BAZ2B: variants seen among roughly 807,000 people sequenced by gnomAD.
BAZ2B encodes bromodomain adjacent to zinc finger domain 2B.
A neutral mutation model predicts 246.0 loss-of-function variants in BAZ2B; 91 were observed. The observed-to-expected ratio is 0.37, with a 90% CI of 0.31 to 0.44. The LOEUF (loss-of-function observed/expected upper bound fraction) is 0.44, where lower values mean the gene tolerates loss of function less well. Ranked by LOEUF, BAZ2B falls within the 20% of genes least tolerant of loss-of-function variation. BAZ2B has a pLI of 1.00. For missense variants in BAZ2B, 2,332 were observed against 2,533.7 expected, an observed-to-expected ratio of 0.92 and a Z score of 1.71; for synonymous variants, 855 against 860.0, an observed-to-expected ratio of 0.99 and a Z score of 0.10.
At chr2:159,577,552 G>A (rs534045776) in intron 1 of BAZ2B, among the ~76,000 whole-genome samples, 2 of 152,234 alleles carry the variant, frequency 1.3e-5, no homozygotes, top group African/African-American at 4.8e-5. Flanking sequence ...TCCAATGATT[G>A]TTTTCACTAC....
intron 3 of BAZ2B, among the ~76,000 whole-genome samples, chr2:159,455,762 G>GTTT (rs759816186): frequency 0.11 from 10,084 of 94,390 alleles, 1,015 homozygotes; most frequent in Non-Finnish European, 0.17. Flanking sequence ...GAAATATTGT[G>GTTT]GTTTTTTTTT....
At chr2:159,521,282 T>G (rs2084099954) in intron 2 of BAZ2B, among the ~76,000 whole-genome samples, 1 of 152,122 alleles carries the variant, frequency 6.6e-6, no homozygotes, top group Admixed American at 6.5e-5. Flanking sequence ...TAGGAAACAT[T>G]TCCATAATAT....
chr2:159,674,673 G>A, the BAZ2B span, among the ~76,000 whole-genome samples: 2 of 149,878 alleles, frequency 1.3e-5, no homozygotes, highest in African/African-American at 4.9e-5. Flanking sequence ...CTGAGATTGC[G>A]CCATTGCAGT....
chr2:159,458,067 G>A (rs908567706), intron 3 of BAZ2B, among the ~76,000 whole-genome samples: 1 of 152,038 alleles, frequency 6.6e-6, no homozygotes, highest in Non-Finnish European at 1.5e-5. Flanking sequence ...GAGTGCAGTG[G>A]CACAATCTCA....
At position 159,329,524 on chromosome 2, in the gene BAZ2B, T is replaced by TATACATAC. The variant is rs1481604249; in HGVS notation, c.5943+3008_5943+3015dup. The stretch of plus-strand genomic sequence containing the variant: ...GATTCTGTGATCCTGTGATCACATA[T>TATACATAC]ATACATACATACACACACACATACA... On this transcript the variant is annotated intron_variant, in intron 34 of 36. Coordinates refer to ENST00000392783, the MANE Select transcript of BAZ2B (RefSeq NM_013450.4). Among the ~76,000 whole-genome samples the TATACATAC allele has an allele frequency of 7.9e-5, 12 of 152,266 alleles. No individual in the cohort carries two copies. In the East Asian group the frequency reaches 2.3e-3, roughly 29 times the overall value.
chr2:159,540,439 GA>G (rs2086528449), intron 2 of BAZ2B, among the ~76,000 whole-genome samples: 2 of 152,196 alleles, frequency 1.3e-5, no homozygotes, highest in Non-Finnish European at 2.9e-5. Flanking sequence ...GTGGGTTGAA[GA>G]ATGTGTCTCA....
At chr2:159,327,577 A>G (rs1055805258) in intron 34 of BAZ2B, among the ~76,000 whole-genome samples, 1 of 152,332 alleles carries the variant, frequency 6.6e-6, no homozygotes, top group South Asian at 2.1e-4. Flanking sequence ...TTTACTCTGA[A>G]TCTCTAAAAT....
chr2:159,416,774 T>G (rs2067794725), intron 13 of BAZ2B, among the ~76,000 whole-genome samples: 2 of 152,200 alleles, frequency 1.3e-5, no homozygotes, highest in Non-Finnish European at 2.9e-5. Context: ...AAGTAAATAC[T>G]TTCTAAAGGG....
intron 1 of BAZ2B, among the ~76,000 whole-genome samples, chr2:159,599,901 A>T (rs922029360): frequency 2.1e-5 from 3 of 143,354 alleles, no homozygotes; most frequent in Non-Finnish European, 4.5e-5. Flanking sequence ...GCGCCACTGC[A>T]CTCCAGCCTG....
chr2:159,691,571 GA>G, the BAZ2B span, among the ~76,000 whole-genome samples: 4 of 151,950 alleles, frequency 2.6e-5, no homozygotes, highest in African/African-American at 9.7e-5. Flanking sequence ...GTCTGAAATG[GA>G]AAAAAAGGCA....
the BAZ2B span, among the ~76,000 whole-genome samples, chr2:159,692,692 A>G: frequency 1.3e-5 from 2 of 152,166 alleles, no homozygotes; most frequent in South Asian, 4.1e-4. Context: ...TCTTTAAAAT[A>G]AAAAATTAAA....
intron 27 of BAZ2B, among the ~76,000 whole-genome samples, chr2:159,360,018 T>C (rs2059513619): frequency 6.6e-6 from 1 of 152,202 alleles, no homozygotes; most frequent in Non-Finnish European, 1.5e-5. Context: ...GGGCAAAAGC[T>C]GGAAGCATTC....
At chr2:159,639,340 T>C in the BAZ2B span, among the ~76,000 whole-genome samples, 1 of 152,210 alleles carries the variant, frequency 6.6e-6, no homozygotes, top group East Asian at 1.9e-4. Flanking sequence ...GAAGAAATCA[T>C]CTGAAGTTAA....
At chr2:159,597,882 T>A (rs1347348354) in intron 1 of BAZ2B, among the ~76,000 whole-genome samples, 1 of 152,236 alleles carries the variant, frequency 6.6e-6, no homozygotes, top group Non-Finnish European at 1.5e-5. Context: ...TCTATTTGCA[T>A]TCCCCCAATC....
intron 27 of BAZ2B, among the ~76,000 whole-genome samples, chr2:159,363,418 C>T (rs1251058715): frequency 6.6e-6 from 1 of 152,114 alleles, no homozygotes; most frequent in African/African-American, 2.4e-5. Context: ...GTTGGATGAC[C>T]GAATCAGAGC....
chr2:159,505,948 C>T (rs1487565521), intron 2 of BAZ2B, among the ~76,000 whole-genome samples: 1 of 152,186 alleles, frequency 6.6e-6, no homozygotes, highest in Non-Finnish European at 1.5e-5. Flanking sequence ...TATAAACTAT[C>T]TACCCGGTGT....
chr2:159,525,618 C>T (rs773494385), intron 2 of BAZ2B, among the ~76,000 whole-genome samples: 2 of 151,826 alleles, frequency 1.3e-5, no homozygotes, highest in Non-Finnish European at 2.9e-5. Flanking sequence ...GGAAATATTC[C>T]AAAGTCTGAA....
intron 27 of BAZ2B, 72 bp from the exon 28 acceptor site, chr2:159,350,429 C>T (rs2058427875): frequency 7.6e-7 from 1 of 1,308,110 alleles, no homozygotes; most frequent in African/African-American, 1.5e-5. Flanking sequence ...AATTTCATTA[C>T]TCTTTATCAA....
intron 2 of BAZ2B, among the ~76,000 whole-genome samples, chr2:159,539,977 A>G (rs927199761): frequency 2.6e-5 from 4 of 152,116 alleles, no homozygotes; most frequent in African/African-American, 9.7e-5. Flanking sequence ...GTTGCCCTCA[A>G]TTCTACCTGA....
Sources: gnomAD v4.1 joint callset for allele counts (sites outside exome capture counted in the v4.1 genomes callset) on GRCh38, gnomAD v4.1.1 for gene constraint, MANE v1.5 for transcripts, NCBI Gene and HGNC (gene_info 2026-07-23, HGNC 2026-07-21) for gene names.